DIRAS2: variants seen among roughly 807,000 people sequenced by gnomAD.
DIRAS2 encodes the protein GTP-binding protein Di-Ras2.
In DIRAS2, 5 loss-of-function variants were observed where a neutral mutation model predicts 13.9. The observed-to-expected ratio is 0.36, with a 90% CI of 0.19 to 0.76. The LOEUF (loss-of-function observed/expected upper bound fraction) is 0.76. Among genes scored for constraint, DIRAS2 ranks in the 30% least tolerant of loss-of-function variants. The probability of loss-of-function intolerance (pLI) is 0.53; values close to 1 mark genes in which losing one functional copy is unlikely to be tolerated. For synonymous variants in DIRAS2, 111 were observed against 105.4 expected, an observed-to-expected ratio of 1.05 and a Z score of -0.33; for missense variants, 191 against 263.0, an observed-to-expected ratio of 0.73 and a Z score of 1.89.
intron 1 of DIRAS2, among the ~76,000 whole-genome samples, chr9:90,615,287 G>A (rs1243408749): frequency 2.6e-5 from 4 of 152,266 alleles, no homozygotes; most frequent in Middle Eastern, 3.4e-3. Context: ...TGCCTCATGC[G>A]TCTGCCTACA....
intron 1 of DIRAS2, among the ~76,000 whole-genome samples, chr9:90,617,770 C>G (rs2118545342): frequency 6.6e-6 from 1 of 152,234 alleles, no homozygotes; most frequent in South Asian, 2.1e-4. Flanking sequence ...AACTGTATTT[C>G]TATACACTTG....
At position 90,610,385 on chromosome 9, in the gene DIRAS2, G is replaced by A. The variant is rs1564016995; in HGVS notation, c.*2843C>T. The stretch of plus-strand genomic sequence containing the variant: ...GAATGAACAATTCAATATTGCTCTT[G>A]TGTTGGTCTTGCTGCATTGTATGCA... On this transcript the variant is annotated 3_prime_UTR_variant, in exon 2 of 2. Coordinates refer to ENST00000375765, the MANE Select transcript of DIRAS2 (RefSeq NM_017594.5). 2 of 398,958 alleles carry A rather than the reference G, an allele frequency of 5.0e-6. No homozygotes were observed. Among genetic ancestry groups the A allele is most frequent in the Non-Finnish European group, 8.8e-6 (2 of 226,042 alleles). The allele number at this position is 398,958 out of a possible 1,614,324, so 24.7% of individuals were successfully genotyped here. A position where few individuals can be genotyped will look rare whatever the true frequency, so the allele number is the denominator to read the frequency against.
Position 90,617,958 on chromosome 9 carries a change from C to T in DIRAS2, c.-36-4095G>A, listed in dbSNP as rs571685210. On this transcript the variant is annotated intron_variant, in intron 1 of 1. Coordinates refer to ENST00000375765, the MANE Select transcript of DIRAS2 (RefSeq NM_017594.5). Reference sequence around the variant, plus strand: ...TGGAAAAGCACCCCATGTCATGTATCAGAGGACTTTTACTGCTAAGATAGC... The same window carrying T: ...TGGAAAAGCACCCCATGTCATGTATTAGAGGACTTTTACTGCTAAGATAGC... Among the ~76,000 whole-genome samples the T allele has an allele frequency of 1.1e-3, 163 of 152,234 alleles. No individual in the cohort carries two copies. The Middle Eastern group carries it at 0.017, about 16-fold the overall frequency.
intron 1 of DIRAS2, among the ~76,000 whole-genome samples, chr9:90,640,454 A>C (rs1301110666): frequency 2.6e-5 from 4 of 152,256 alleles, no homozygotes; most frequent in African/African-American, 9.6e-5. Context: ...CTTTCAGTTC[A>C]TGTTTAAATA....
At chr9:90,631,812 T>TGC (rs991778980) in intron 1 of DIRAS2, among the ~76,000 whole-genome samples, 1 of 152,146 alleles carries the variant, frequency 6.6e-6, no homozygotes, top group Non-Finnish European at 1.5e-5. Context: ...CTGGGTGCCA[T>TGC]GCACACATCC....
intron 1 of DIRAS2, among the ~76,000 whole-genome samples, chr9:90,636,138 C>T (rs961340746): frequency 7.0e-6 from 1 of 142,780 alleles, no homozygotes; most frequent in Non-Finnish European, 1.5e-5. Flanking sequence ...CCCGGGTTCA[C>T]GCCATTCTCC....
chr9:90,620,686 C>G (rs1319493563), intron 1 of DIRAS2, among the ~76,000 whole-genome samples: 1 of 151,308 alleles, frequency 6.6e-6, no homozygotes, highest in Non-Finnish European at 1.5e-5. Flanking sequence ...AACCCAGGAG[C>G]AGAGATCACG....
chr9:90,623,847 C>T (rs533596736), intron 1 of DIRAS2, among the ~76,000 whole-genome samples: 1 of 152,150 alleles, frequency 6.6e-6, no homozygotes, highest in African/African-American at 2.4e-5. Flanking sequence ...CAAGACCAAC[C>T]TGGGTGATAC....
At chr9:90,635,076 T>C (rs1165504854) in intron 1 of DIRAS2, among the ~76,000 whole-genome samples, 1 of 152,202 alleles carries the variant, frequency 6.6e-6, no homozygotes, top group Non-Finnish European at 1.5e-5. Flanking sequence ...TCACAGAGAA[T>C]TGTTGCACAA....
Position 90,613,974 on chromosome 9 carries a change from A to T in DIRAS2, c.-36-111T>A. 9.3e-7 allele frequency: 1 copy of T among 1,080,988 alleles called. No homozygotes were observed. The allele number at this position is 1,080,988 out of a possible 1,614,324, so 67.0% of individuals were successfully genotyped here. A position where few individuals can be genotyped will look rare whatever the true frequency, so the allele number is the denominator to read the frequency against. ...TTAAAAATGGGAGGTGATAACATTT[A>T]AAATAGCGACAATTCTAAATCCAAT... On this transcript the variant is annotated intron_variant, in intron 1 of 1. Coordinates refer to ENST00000375765, the MANE Select transcript of DIRAS2 (RefSeq NM_017594.5). The surrounding 1 kb of genome is among the most constrained non-coding windows in gnomAD (Gnocchi z 5.6).
At chr9:90,640,037 G>A (rs770024230) in intron 1 of DIRAS2, among the ~76,000 whole-genome samples, 9 of 152,176 alleles carry the variant, frequency 5.9e-5, no homozygotes, top group African/African-American at 9.7e-5. Flanking sequence ...CTTGTAAGTC[G>A]TCAGCAGGCA....
chr9:90,616,877 G>T (rs762726439), intron 1 of DIRAS2, among the ~76,000 whole-genome samples: 1 of 152,166 alleles, frequency 6.6e-6, no homozygotes, highest in Non-Finnish European at 1.5e-5. Flanking sequence ...GCATTAGAGG[G>T]GGGACAAGCA....
intron 1 of DIRAS2, among the ~76,000 whole-genome samples, chr9:90,623,475 T>TA (rs11428765): frequency 0.18 from 26,489 of 151,068 alleles, 2,338 homozygotes; most frequent in South Asian, 0.24. Flanking sequence ...ATTAAGAAAA[T>TA]AAAAAAAAAT....
chr9:90,636,543 A>C (rs920456494), intron 1 of DIRAS2, among the ~76,000 whole-genome samples: 9 of 152,248 alleles, frequency 5.9e-5, no homozygotes, highest in Non-Finnish European at 1.3e-4. Flanking sequence ...TCATTGTTTC[A>C]CATTAACTCA....
chr9:90,631,438 G>A lies in DIRAS2; in HGVS notation c.-37+11314C>T, dbSNP rs150981717. On this transcript the variant is annotated intron_variant, in intron 1 of 1. Transcript: ENST00000375765. ...AGGGTTTTGAGCAGAGAAGTGATAC[G>A]GTGGGACCTCCATTGTAAAAGTACC... Among the ~76,000 whole-genome samples the A allele has an allele frequency of 1.7e-3, 261 of 152,304 alleles. 5 individuals are homozygous for A. The South Asian group carries it at 0.036, about 21-fold the overall frequency.
chr9:90,635,819 G>T lies in DIRAS2; in HGVS notation c.-37+6933C>A, dbSNP rs538598047. On this transcript the variant is annotated intron_variant, in intron 1 of 1. Transcript: ENST00000375765. ...TAGTATTTACATGTCTTTCAATGCT[G>T]GGGTAAAAGACTCACAGTTTCTAAT... 1.2e-3 allele frequency among the ~76,000 whole-genome samples: 178 copies of T among 152,250 alleles called. 2 individuals are homozygous for T. The highest frequency in any genetic ancestry group is 3.9e-3 in the African/African-American group (163 of 41,548).
intron 1 of DIRAS2, among the ~76,000 whole-genome samples, chr9:90,620,782 C>CA (rs1825212948): frequency 6.6e-6 from 1 of 151,490 alleles, no homozygotes; most frequent in Non-Finnish European, 1.5e-5. Context: ...GAAAACAATA[C>CA]AAAAAATGAT....
At chr9:90,627,004 G>C (rs1339239928) in intron 1 of DIRAS2, among the ~76,000 whole-genome samples, 2 of 152,054 alleles carry the variant, frequency 1.3e-5, no homozygotes, top group Non-Finnish European at 2.9e-5. Context: ...TTGGATCATG[G>C]GGGCAGATCC....
chr9:90,630,674 C>A (rs375574567), intron 1 of DIRAS2, among the ~76,000 whole-genome samples: 5 of 152,280 alleles, frequency 3.3e-5, no homozygotes, highest in African/African-American at 1.2e-4. Context: ...TATCAAGGTG[C>A]GTATTTTTCT....
Sources: allele counts gnomAD v4.1 joint callset (sites outside exome capture counted in the v4.1 genomes callset), GRCh38; gene constraint gnomAD v4.1.1; non-coding constraint Gnocchi (gnomAD v3.1); transcripts MANE v1.5; gene names NCBI Gene and HGNC (gene_info 2026-07-23, HGNC 2026-07-21).